The following PARD3B variants were observed in gnomAD, a reference collection of about 807,000 sequenced individuals.
The protein encoded by PARD3B is partitioning defective 3 homolog B.
In PARD3B, 103 loss-of-function variants were observed where a neutral mutation model predicts 130.2. That is an observed-to-expected ratio of 0.79 (90% confidence interval 0.67 to 0.93). The LOEUF (loss-of-function observed/expected upper bound fraction) is 0.93, where lower values mean the gene tolerates loss of function less well. Ranked by LOEUF, PARD3B falls within the 40% of genes least tolerant of loss-of-function variation. The probability of loss-of-function intolerance (pLI) is 0.00; values close to 1 mark genes in which losing one functional copy is unlikely to be tolerated. For missense variants in PARD3B, 1,609 were observed against 1,499.2 expected (o/e 1.07, Z -1.21); for synonymous variants, 583 against 553.2 (o/e 1.05, Z -0.76).
chr2:205,312,124 C>G (rs143836033), intron 18 of PARD3B, among the ~76,000 whole-genome samples: 217 of 152,310 alleles, frequency 1.4e-3, no homozygotes, highest in Admixed American at 2.5e-3. Flanking sequence ...TGTTACAGGT[C>G]TCATGTACAA....
In PARD3B at chr2:205,590,507, C is replaced by T. The variant is rs931481797; in HGVS notation, c.3261-24949C>T. On this transcript the variant is annotated intron_variant, in intron 22 of 22. Transcript: ENST00000406610. The surrounding 1 kb of genome is among the most constrained non-coding windows in gnomAD (Gnocchi z 4.1). Reference sequence around the variant, plus strand: ...TTTAACCATACACAATCACTGTGCCCGAGGGGATGGAACGTTCTGATGATC... The same window carrying T: ...TTTAACCATACACAATCACTGTGCCTGAGGGGATGGAACGTTCTGATGATC... Among the ~76,000 whole-genome samples, 1 of 152,232 alleles carries T rather than the reference C, an allele frequency of 6.6e-6. No homozygotes were observed. The highest frequency in any genetic ancestry group is 1.5e-5 in the Non-Finnish European group (1 of 68,016).
At chr2:205,124,972 G>A (rs546466470) in intron 9 of PARD3B, among the ~76,000 whole-genome samples, 1 of 152,232 alleles carries the variant, frequency 6.6e-6, no homozygotes, top group East Asian at 1.9e-4. Flanking sequence ...CAAGAGGGTG[G>A]CTGTTTGTTT....
chr2:205,269,027 A>G lies in PARD3B; in HGVS notation c.2185+23205A>G, dbSNP rs1247940702. On this transcript the variant is annotated intron_variant, in intron 16 of 22. Transcript: ENST00000406610. This position sits in a 1 kb window ranked among gnomAD's most constrained non-coding sequence, Gnocchi z 4.7. Reference sequence around the variant, plus strand: ...CTGTGAAGCTCAAAGAATAGGTATTATTCCATTTTGTAGATGAGAAAATTG... The same window carrying G: ...CTGTGAAGCTCAAAGAATAGGTATTGTTCCATTTTGTAGATGAGAAAATTG... 6.6e-6 allele frequency among the ~76,000 whole-genome samples: 1 copy of G among 152,168 alleles called. No homozygotes were observed. The highest frequency in any genetic ancestry group is 1.9e-4 in the East Asian group (1 of 5,186).
intron 20 of PARD3B, among the ~76,000 whole-genome samples, chr2:205,456,950 T>G (rs1315690778): frequency 6.6e-6 from 1 of 150,846 alleles, no homozygotes; most frequent in Admixed American, 6.6e-5. Context: ...TAATAAATCG[T>G]TTAATAATTA....
chr2:204,745,953 A>G (rs949734490), intron 2 of PARD3B, among the ~76,000 whole-genome samples: 20 of 151,968 alleles, frequency 1.3e-4, no homozygotes, highest in Middle Eastern at 6.8e-3. Flanking sequence ...AAAACGAACA[A>G]AAACATGTAA....
chr2:205,501,880 G>C, intron 21 of PARD3B, among the ~76,000 whole-genome samples: 1 of 152,198 alleles, frequency 6.6e-6, no homozygotes, highest in East Asian at 1.9e-4. Flanking sequence ...CGTGTAACCA[G>C]ACCATCTAGT....
Position 205,008,290 on chromosome 2 carries a change from CTT to C in PARD3B, c.395-39277_395-39276del, listed in dbSNP as rs34132187. 5.2e-3 allele frequency among the ~76,000 whole-genome samples: 763 copies of C among 146,818 alleles called. 3 individuals are homozygous for C. Among genetic ancestry groups the C allele is most frequent in the Admixed American group, 6.9e-3 (101 of 14,706 alleles). Reference sequence around the variant, plus strand: ...ACACTGTTTTACAGGCACAAATAATCTTTTTTTTTTTTTTTAATTGAAAGGAG... The same window carrying C: ...ACACTGTTTTACAGGCACAAATAATCTTTTTTTTTTTTTAATTGAAAGGAG... On this transcript the variant is annotated intron_variant, in intron 3 of 22. Coordinates refer to ENST00000406610, the MANE Select transcript of PARD3B (RefSeq NM_001302769.2).
intron 1 of PARD3B, among the ~76,000 whole-genome samples, chr2:204,654,854 A>G (rs888068525): frequency 8.5e-5 from 13 of 152,144 alleles, no homozygotes; most frequent in South Asian, 2.1e-4. Flanking sequence ...TTTATCCTCT[A>G]AAGAAACTTT....
At chr2:204,745,419 TTG>T (rs1407986116) in intron 2 of PARD3B, among the ~76,000 whole-genome samples, 3 of 151,478 alleles carry the variant, frequency 2.0e-5, no homozygotes, top group African/African-American at 7.3e-5. Flanking sequence ...TTTTTTTTTT[TTG>T]TTACGGAGTT....
At position 205,351,658 on chromosome 2, in the gene PARD3B, G is replaced by A. The variant is rs2043998283; in HGVS notation, c.2631-49355G>A. ...AGGAGCCACTGCCTTGGAAATTGGAGGCAGTTATTTCATTTCCGGTGATGT... is the reference window on the plus strand; with the variant it reads ...AGGAGCCACTGCCTTGGAAATTGGAAGCAGTTATTTCATTTCCGGTGATGT... On this transcript the variant is annotated intron_variant, in intron 18 of 22. Coordinates refer to ENST00000406610, the MANE Select transcript of PARD3B (RefSeq NM_001302769.2). The surrounding 1 kb of genome is among the most constrained non-coding windows in gnomAD (Gnocchi z 4.2). Among the ~76,000 whole-genome samples, 1 of 152,168 alleles carries A rather than the reference G, an allele frequency of 6.6e-6. No individual in the cohort carries two copies. The highest frequency in any genetic ancestry group is 2.4e-5 in the African/African-American group (1 of 41,416).
rs1047682238 is a variant in PARD3B at position 205,618,828 on chromosome 2, C to A, written c.*3015C>A. The A allele has an allele frequency of 6.6e-6, 1 of 152,186 alleles. No individual in the cohort carries two copies. Among genetic ancestry groups the A allele is most frequent in the Non-Finnish European group, 1.5e-5 (1 of 68,036 alleles). 9.4% of individuals were successfully genotyped at this position (152,186 alleles called of 1,614,324 possible). A position where few individuals can be genotyped will look rare whatever the true frequency, so the allele number is the denominator to read the frequency against. On this transcript the variant is annotated 3_prime_UTR_variant, in exon 23 of 23. Coordinates refer to ENST00000406610, the MANE Select transcript of PARD3B (RefSeq NM_001302769.2). The stretch of plus-strand genomic sequence containing the variant: ...CGGGTTGTGGCACTCTCACCCTTGC[C>A]ATAATACCGTTTCCTAACAATATCA...
At position 204,546,072 on chromosome 2, in the gene PARD3B, G is replaced by C; in HGVS notation, c.73G>C (p.Glu25Gln). 6.4e-7 allele frequency: 1 copy of C among 1,560,106 alleles called. No individual in the cohort carries two copies. Among genetic ancestry groups the C allele is most frequent in the South Asian group, 1.2e-5 (1 of 84,948 alleles). Residue 25 changes from glutamate (E) to glutamine (Q), a missense_variant, in exon 1 of 23, where the codon GAG becomes CAG. Glu to Gln is a conservative substitution (Grantham distance 29). Transcript: ENST00000406610. Reference protein sequence around the residue: ...PCKEGQLRVGELTQQALQRYL... With the variant: ...PCKEGQLRVGQLTQQALQRYL... The stretch of plus-strand genomic sequence containing the variant: ...CAAGGAGGGCCAGCTGCGCGTCGGC[G>C]AGCTCACCCAGCAGGCGCTGCAGCG...
intron 3 of PARD3B, among the ~76,000 whole-genome samples, chr2:204,996,730 G>C (rs1230317231): frequency 6.7e-6 from 1 of 149,608 alleles, no homozygotes; most frequent in Non-Finnish European, 1.5e-5. Flanking sequence ...AGCAATCAGC[G>C]AGATTCCGTG....
chr2:205,279,839 A>G (rs2041120914), intron 16 of PARD3B, among the ~76,000 whole-genome samples: 1 of 152,186 alleles, frequency 6.6e-6, no homozygotes, highest in Admixed American at 6.5e-5. Flanking sequence ...TCTGGGAAGT[A>G]AGTTCTCCAG....
intron 15 of PARD3B, among the ~76,000 whole-genome samples, chr2:205,226,588 T>G (rs1195932863): frequency 6.6e-6 from 1 of 152,180 alleles, no homozygotes; most frequent in Non-Finnish European, 1.5e-5. Flanking sequence ...AATATCCAGT[T>G]TTCCCAGTAC....
intron 15 of PARD3B, among the ~76,000 whole-genome samples, chr2:205,213,883 C>T (rs893633717): frequency 1.3e-5 from 2 of 152,086 alleles, no homozygotes; most frequent in African/African-American, 2.4e-5. Flanking sequence ...AAGAAAAGGG[C>T]TGTGTGCTTT....
At chr2:205,239,012 A>G (rs1014481159) in intron 15 of PARD3B, among the ~76,000 whole-genome samples, 3 of 150,384 alleles carry the variant, frequency 2.0e-5, no homozygotes, top group African/African-American at 4.9e-5. Context: ...AAAGGCTATC[A>G]TAATCTATTT....
chr2:204,640,112 G>A (rs1037743354), intron 1 of PARD3B, among the ~76,000 whole-genome samples: 2 of 152,098 alleles, frequency 1.3e-5, no homozygotes. Flanking sequence ...AAATTAGCTG[G>A]ATGTGGTGGT....
intron 2 of PARD3B, among the ~76,000 whole-genome samples, chr2:204,878,091 A>G (rs770174295): frequency 8.5e-5 from 13 of 152,210 alleles, no homozygotes; most frequent in Non-Finnish European, 1.8e-4. Context: ...ATTAAACTAC[A>G]GAGGCATCCA....
Sources: gnomAD v4.1 joint callset for allele counts (sites outside exome capture counted in the v4.1 genomes callset) on GRCh38, gnomAD v4.1.1 for gene constraint, Gnocchi (gnomAD v3.1) non-coding constraint, MANE v1.5 for transcripts, NCBI Gene and HGNC (gene_info 2026-07-23, HGNC 2026-07-21) for gene names.